Variants in CYP20A1 observed in about 807,000 individuals in gnomAD.
The protein encoded by CYP20A1 is cytochrome P450 family 20 subfamily A member 1.
Under a neutral mutation model 61.4 loss-of-function variants are expected in CYP20A1, and 61 were observed. The ratio of observed to expected loss-of-function variants is 0.99; its 90% CI spans 0.81 to 1.23. The LOEUF is 1.23. Ranked by LOEUF, CYP20A1 falls within the 50% of genes most tolerant of loss-of-function variation. CYP20A1 has a pLI of 0.00. For synonymous variants in CYP20A1, 193 were observed against 188.2 expected, an observed-to-expected ratio of 1.03 and a Z score of -0.21; for missense variants, 530 against 542.4, an observed-to-expected ratio of 0.98 and a Z score of 0.23.
rs2068939502 is a variant in CYP20A1, at chr2:203,299,579, A to C, written c.*2671A>C. ...AAAAAATTTTTTTTGGAATAACTTA[A>C]ATTCTAAAACTTTGGCCGGGCGTGA... On this transcript the variant is annotated 3_prime_UTR_variant, in exon 13 of 13. Transcript: ENST00000356079. 6.6e-6 allele frequency among the ~76,000 whole-genome samples: 1 copy of C among 152,134 alleles called. No homozygotes were observed. Among genetic ancestry groups the C allele is most frequent in the South Asian group, 2.1e-4 (1 of 4,828 alleles).
At chr2:203,271,506 G>A (rs1294779707) in intron 5 of CYP20A1, among the ~76,000 whole-genome samples, 1 of 152,086 alleles carries the variant, frequency 6.6e-6, no homozygotes, top group Admixed American at 6.6e-5. Flanking sequence ...TTTAATAAGT[G>A]TTGTGTTCTT....
chr2:203,293,508 CTTT>C (rs11408049), intron 11 of CYP20A1, among the ~76,000 whole-genome samples: 1 of 140,932 alleles, frequency 7.1e-6, no homozygotes. Context: ...CGCCCGGCCT[CTTT>C]TTTTTTTTTT....
At chr2:203,243,005 G>A (rs963454102) in intron 1 of CYP20A1, among the ~76,000 whole-genome samples, 2 of 152,172 alleles carry the variant, frequency 1.3e-5, no homozygotes, top group African/African-American at 4.8e-5. Flanking sequence ...CAGCCATACT[G>A]ACTAGTCTCA....
intron 4 of CYP20A1, among the ~76,000 whole-genome samples, chr2:203,254,435 C>T (rs2066818508): frequency 6.6e-6 from 1 of 151,710 alleles, no homozygotes; most frequent in South Asian, 2.1e-4. Context: ...GTCCTAGCTA[C>T]TCGGGAGGCT....
rs375544441 is a variant in CYP20A1, at chr2:203,265,713, CAG to C, written c.433-798_433-797del. On this transcript the variant is annotated intron_variant, in intron 4 of 12. Coordinates refer to ENST00000356079, the MANE Select transcript of CYP20A1 (RefSeq NM_177538.3). ...TGTTTGTTTGGTTGGTTTTTTGAGACAGAGTCTCGCTCTTTCACCCAGGCTGG... is the reference window on the plus strand; with the variant it reads ...TGTTTGTTTGGTTGGTTTTTTGAGACAGTCTCGCTCTTTCACCCAGGCTGG... Among the ~76,000 whole-genome samples, 9 of 152,210 alleles carry C rather than the reference CAG, an allele frequency of 5.9e-5. 1 individual carries two copies. Among genetic ancestry groups the C allele is most frequent in the African/African-American group, 2.2e-4 (9 of 41,546 alleles).
chr2:203,275,012 T>C (rs540937400), intron 6 of CYP20A1, among the ~76,000 whole-genome samples: 2 of 152,342 alleles, frequency 1.3e-5, no homozygotes, highest in East Asian at 3.9e-4. Context: ...TTTATAAAAA[T>C]GGGATGCCAT....
At chr2:203,284,630 G>A (rs1408027800) in intron 8 of CYP20A1, among the ~76,000 whole-genome samples, 1 of 148,310 alleles carries the variant, frequency 6.7e-6, no homozygotes, top group Non-Finnish European at 1.5e-5. Flanking sequence ...TATTCCATTT[G>A]TTAAAAGTAC....
rs760522911 is a variant in CYP20A1 at position 203,299,439 on chromosome 2, AT to A, written c.*2532del. Among the ~76,000 whole-genome samples the A allele has an allele frequency of 3.0e-4, 46 of 152,008 alleles. No homozygotes were observed. Among genetic ancestry groups the A allele is most frequent in the South Asian group, 2.1e-4 (1 of 4,824 alleles). ...GAGACCCTATCTCTTAAAAAAAAAAATCCCTTTGTTGTTGAGTTATTTTATG... is the reference window on the plus strand; with the variant it reads ...GAGACCCTATCTCTTAAAAAAAAAAACCCTTTGTTGTTGAGTTATTTTATG... On this transcript the variant is annotated 3_prime_UTR_variant, in exon 13 of 13. Transcript: ENST00000356079.
rs369677095 is a variant in CYP20A1 at position 203,271,188 on chromosome 2, C to T, written c.601-1482C>T. Among the ~76,000 whole-genome samples, 25 of 144,034 alleles carry T rather than the reference C, an allele frequency of 1.7e-4. No individual in the cohort carries two copies. The South Asian group carries it at 5.2e-3, about 30-fold the overall frequency. 94.5% of individuals were successfully genotyped at this position (144,034 alleles called of 152,430 possible). On this transcript the variant is annotated intron_variant, in intron 5 of 12. Coordinates refer to ENST00000356079, the MANE Select transcript of CYP20A1 (RefSeq NM_177538.3). ...CTGCAAGCTCCGCCTCCCGGGTTCA[C>T]GCCATTCTTCTGCCTCAGCCTCCCA...
chr2:203,265,538 A>G (rs927948384), intron 4 of CYP20A1, among the ~76,000 whole-genome samples: 1 of 152,074 alleles, frequency 6.6e-6, no homozygotes, highest in East Asian at 1.9e-4. Flanking sequence ...TCTTTCTTTC[A>G]GAGCTCTTTA....
Position 203,296,960 on chromosome 2 carries a change from TA to T in CYP20A1, c.*60del, listed in dbSNP as rs747200302. 3 of 1,099,368 alleles carry T rather than the reference TA, an allele frequency of 2.7e-6. No homozygotes were observed. The highest frequency in any genetic ancestry group is 1.6e-5 in the African/African-American group (1 of 61,638). The allele number at this position is 1,099,368 out of a possible 1,614,324, so 68.1% of individuals were successfully genotyped here. A position where few individuals can be genotyped will look rare whatever the true frequency, so the allele number is the denominator to read the frequency against. Reference sequence around the variant, plus strand: ...AAATTGATTGAGGAAAACAACCATTTAAAAAAAATCTATGTTGAATCCTTTT... The same window carrying T: ...AAATTGATTGAGGAAAACAACCATTTAAAAAAATCTATGTTGAATCCTTTT... On this transcript the variant is annotated 3_prime_UTR_variant, in exon 13 of 13. Transcript: ENST00000356079.
At chr2:203,293,927 A>G (rs974812388) in intron 11 of CYP20A1, among the ~76,000 whole-genome samples, 8 of 152,060 alleles carry the variant, frequency 5.3e-5, no homozygotes, top group African/African-American at 1.4e-4. Context: ...GTGAAATTCT[A>G]TAGAACAAAA....
At chr2:203,265,624 C>T (rs892349867) in intron 4 of CYP20A1, among the ~76,000 whole-genome samples, 10 of 152,118 alleles carry the variant, frequency 6.6e-5, no homozygotes, top group Admixed American at 5.9e-4. Flanking sequence ...TTGATTCTAT[C>T]GTAAATCCAG....
chr2:203,239,164 C>G, intron 1 of CYP20A1, 30 bp downstream of exon 1: 1 of 1,584,608 alleles, frequency 6.3e-7, no homozygotes, highest in Non-Finnish European at 8.7e-7. Context: ...TCTGGGGCCC[C>G]GGGCGCCGCC....
At chr2:203,244,198 A>G (rs1158452278) in intron 1 of CYP20A1, among the ~76,000 whole-genome samples, 1 of 151,394 alleles carries the variant, frequency 6.6e-6, no homozygotes, top group Non-Finnish European at 1.5e-5. Flanking sequence ...CCGGCACAGC[A>G]GTTTTTCCTT....
chr2:203,241,274 G>A (rs1384858382), intron 1 of CYP20A1, among the ~76,000 whole-genome samples: 1 of 152,172 alleles, frequency 6.6e-6, no homozygotes, highest in East Asian at 1.9e-4. Flanking sequence ...GTTTTGGGTG[G>A]GCTAGGTTTG....
At chr2:203,259,630 A>C (rs1251550368) in intron 4 of CYP20A1, 2 of 151,842 alleles carry the variant, frequency 1.3e-5, no homozygotes, top group Non-Finnish European at 2.9e-5. Context: ...TTTGCCTGTA[A>C]TCCCAGCACT....
At chr2:203,247,273 AG>A (rs1324623588) in intron 3 of CYP20A1, among the ~76,000 whole-genome samples, 1 of 151,840 alleles carries the variant, frequency 6.6e-6, no homozygotes, top group Non-Finnish European at 1.5e-5. Flanking sequence ...AAATAAAAAA[AG>A]AATTAATGTT....
At chr2:203,275,568 T>G (rs2067782709) in intron 6 of CYP20A1, among the ~76,000 whole-genome samples, 1 of 151,992 alleles carries the variant, frequency 6.6e-6, no homozygotes, top group South Asian at 2.1e-4. Context: ...GCCTCCCAAG[T>G]AGCTGGGATT....
Sources: allele counts gnomAD v4.1 joint callset (sites outside exome capture counted in the v4.1 genomes callset), GRCh38; gene constraint gnomAD v4.1.1; transcripts MANE v1.5; gene names NCBI Gene and HGNC (gene_info 2026-07-23, HGNC 2026-07-21).